The following CPA6 variants were observed in gnomAD, a reference collection of about 807,000 sequenced individuals.
CPA6 encodes the protein carboxypeptidase B.
CPA6 carries 58 observed loss-of-function variants against 63.3 expected under a neutral mutation model. That is an observed-to-expected ratio of 0.92 (90% CI 0.74 to 1.14). The LOEUF is 1.14. Ranked by LOEUF, CPA6 falls within the 50% of genes most tolerant of loss-of-function variation. The pLI, the probability that CPA6 is intolerant of heterozygous loss-of-function variation, is 0.00. For synonymous variants in CPA6, 185 were observed against 179.0 expected (o/e 1.03, Z -0.27); for missense variants, 565 against 526.6 (o/e 1.07, Z -0.71).
intron 1 of CPA6, among the ~76,000 whole-genome samples, chr8:67,676,727 A>AT (rs1816482359): frequency 6.6e-6 from 1 of 152,228 alleles, no homozygotes; most frequent in Non-Finnish European, 1.5e-5. Flanking sequence ...TAGTAAAAGG[A>AT]AGAAGTTTAT....
At chr8:67,510,406 A>ATG (rs71554609) in intron 4 of CPA6, among the ~76,000 whole-genome samples, 10,632 of 150,332 alleles carry the variant, frequency 0.071, 1,050 homozygotes, top group African/African-American at 0.23. Flanking sequence ...AGCAGGATAT[A>ATG]TGTGTGTGTG....
intron 4 of CPA6, 91 bp downstream of exon 4, chr8:67,511,450 T>TAGGGG: frequency 8.0e-6 from 6 of 749,694 alleles, no homozygotes; most frequent in Non-Finnish European, 1.4e-5. Flanking sequence ...GCTTCTCCCC[T>TAGGGG]AGAAGCATAA....
rs1011989550 is a variant in CPA6 at position 67,511,742 on chromosome 8, T to C, written c.318-87A>G. 2.0e-4 allele frequency: 150 copies of C among 761,484 alleles called. 1 individual carries two copies. Among genetic ancestry groups the C allele is most frequent in the Middle Eastern group, 1.2e-3 (5 of 4,288 alleles). The allele number at this position is 761,484 out of a possible 1,614,324, so 47.2% of individuals were successfully genotyped here. On this transcript the variant is annotated intron_variant, in intron 3 of 10. Transcript: ENST00000297770. Reference sequence around the variant, plus strand: ...ACCCAGAAAAAATCATATGCATCTATGTAAAGAAAGACTGTGGTGATCAAT... The same window carrying C: ...ACCCAGAAAAAATCATATGCATCTACGTAAAGAAAGACTGTGGTGATCAAT...
At chr8:67,486,685 T>A (rs1164868004) in intron 6 of CPA6, among the ~76,000 whole-genome samples, 1 of 152,168 alleles carries the variant, frequency 6.6e-6, no homozygotes, top group African/African-American at 2.4e-5. Flanking sequence ...AAATTATATT[T>A]GTAGAATATT....
chr8:67,559,895 A>G (rs1235936690), intron 2 of CPA6, among the ~76,000 whole-genome samples: 1 of 151,522 alleles, frequency 6.6e-6, no homozygotes, highest in Non-Finnish European at 1.5e-5. Context: ...ACACATATAT[A>G]TAGTGTTTTT....
Position 67,460,977 on chromosome 8 carries a change from C to T in CPA6, c.838+22791G>A, listed in dbSNP as rs149504887. 5.7e-4 allele frequency among the ~76,000 whole-genome samples: 87 copies of T among 151,920 alleles called. No individual in the cohort carries two copies. The Middle Eastern group carries it at 0.01, about 18-fold the overall frequency. On this transcript the variant is annotated intron_variant, in intron 8 of 10. Coordinates refer to ENST00000297770, the MANE Select transcript of CPA6 (RefSeq NM_020361.5). ...TGGAACTCTGCTTTGCTCTTCCCCA[C>T]CCCTTTTCCATTTGGTGGGGCTAGT...
chr8:67,499,282 G>A (rs1811786406), intron 6 of CPA6, among the ~76,000 whole-genome samples: 1 of 152,204 alleles, frequency 6.6e-6, no homozygotes. Context: ...TTCTGTGGCA[G>A]AGAGAGTCAG....
chr8:67,650,269 A>G (rs1181962718), intron 1 of CPA6, among the ~76,000 whole-genome samples: 4 of 152,154 alleles, frequency 2.6e-5, no homozygotes, highest in Non-Finnish European at 5.9e-5. Context: ...ATTAACAGAA[A>G]ACCACCTCAA....
At chr8:67,607,116 TCC>T (rs1814661032) in intron 2 of CPA6, among the ~76,000 whole-genome samples, 1 of 90,352 alleles carries the variant, frequency 1.1e-5, no homozygotes, top group Non-Finnish European at 2.0e-5. Context: ...TTCCTCCTCC[TCC>T]TCCTCCTCCT....
chr8:67,625,233 A>G lies in CPA6; in HGVS notation c.117-982T>C, dbSNP rs559631221. Among the ~76,000 whole-genome samples the G allele has an allele frequency of 3.3e-5, 5 of 152,344 alleles. No homozygotes were observed. The East Asian group carries it at 9.6e-4, about 29-fold the overall frequency. Reference sequence around the variant, plus strand: ...AGGAAGGAACTCAGATAAAACAAATATAAGTTTCAATCTTTAAGACCAGAA... The same window carrying G: ...AGGAAGGAACTCAGATAAAACAAATGTAAGTTTCAATCTTTAAGACCAGAA... On this transcript the variant is annotated intron_variant, in intron 1 of 10. Transcript: ENST00000297770.
At chr8:67,680,590 C>T (rs1235306784) in intron 1 of CPA6, among the ~76,000 whole-genome samples, 1 of 151,912 alleles carries the variant, frequency 6.6e-6, no homozygotes, top group Non-Finnish European at 1.5e-5. Context: ...GGAGATAGAT[C>T]ATTTGGGTAT....
chr8:67,733,708 C>G (rs762331527), intron 1 of CPA6, among the ~76,000 whole-genome samples: 1 of 148,998 alleles, frequency 6.7e-6, no homozygotes, highest in Non-Finnish European at 1.5e-5. Flanking sequence ...AGTAGGCACT[C>G]AATGAATAGT....
At chr8:67,591,079 G>T (rs1814108691) in intron 2 of CPA6, among the ~76,000 whole-genome samples, 1 of 150,824 alleles carries the variant, frequency 6.6e-6, no homozygotes, top group African/African-American at 2.4e-5. Context: ...GTAAGGAAGG[G>T]ATCCAGTTTC....
At chr8:67,688,536 TTCTA>T (rs1265731532) in intron 1 of CPA6, among the ~76,000 whole-genome samples, 1 of 152,190 alleles carries the variant, frequency 6.6e-6, no homozygotes, top group Non-Finnish European at 1.5e-5. Flanking sequence ...ACTGTGGACT[TTCTA>T]TGCATATGTT....
chr8:67,507,999 TTGTG>T (rs145996041), intron 5 of CPA6, among the ~76,000 whole-genome samples: 3,324 of 142,222 alleles, frequency 0.023, 36 homozygotes, highest in African/African-American at 0.042. Flanking sequence ...ATGGGGTGCT[TTGTG>T]TGTGTGTGTG....
intron 1 of CPA6, among the ~76,000 whole-genome samples, chr8:67,633,680 CAAA>C (rs35134242): frequency 1.8e-5 from 2 of 112,070 alleles, no homozygotes. Context: ...GACTCCGTCT[CAAA>C]AAAAAAAAAA....
intron 1 of CPA6, among the ~76,000 whole-genome samples, chr8:67,708,452 A>G (rs1303836483): frequency 6.6e-6 from 1 of 152,186 alleles, no homozygotes; most frequent in African/African-American, 2.4e-5. Context: ...GACCCTACTT[A>G]TTCCTTTGAA....
chr8:67,496,538 TA>T (rs1811718361), intron 6 of CPA6, among the ~76,000 whole-genome samples: 3 of 139,268 alleles, frequency 2.2e-5, no homozygotes, highest in Admixed American at 7.1e-5. Context: ...TATATATATA[TA>T]TATATATATA....
At chr8:67,591,029 T>G (rs1016471030) in intron 2 of CPA6, among the ~76,000 whole-genome samples, 1 of 151,560 alleles carries the variant, frequency 6.6e-6, no homozygotes, top group Non-Finnish European at 1.5e-5. Flanking sequence ...GTCTAACATT[T>G]AAGTCTTTAA....
Sources: gnomAD v4.1 joint callset for allele counts (sites outside exome capture counted in the v4.1 genomes callset) on GRCh38, gnomAD v4.1.1 for gene constraint, MANE v1.5 for transcripts, NCBI Gene and HGNC (gene_info 2026-07-23, HGNC 2026-07-21) for gene names.